Variants in BANK1 observed in about 807,000 individuals in gnomAD.
BANK1 encodes the protein B-cell scaffold protein with ankyrin repeats.
In BANK1, 95 loss-of-function variants were observed where a neutral mutation model predicts 94.5. That is an observed-to-expected ratio of 1.00 (90% CI 0.85 to 1.19). The LOEUF (loss-of-function observed/expected upper bound fraction) is 1.19, where lower values mean the gene tolerates loss of function less well. BANK1 is among the 50% of genes most tolerant of loss of function. The probability of loss-of-function intolerance (pLI) is 0.00; values close to 1 mark genes in which losing one functional copy is unlikely to be tolerated. For missense variants in BANK1, 987 were observed against 932.2 expected, an observed-to-expected ratio of 1.06 and a Z score of -0.77; for synonymous variants, 334 against 308.4, an observed-to-expected ratio of 1.08 and a Z score of -0.87.
rs57906281 is a variant in BANK1 at position 101,986,859 on chromosome 4, A to G, written c.1207-34655A>G. On this transcript the variant is annotated intron_variant, in intron 7 of 16. Transcript: ENST00000322953. Reference sequence around the variant, plus strand: ...TATATATATGTGTATATATATGTATATATATATGTGTGTATGTGTGTGTGT... The same window carrying G: ...TATATATATGTGTATATATATGTATGTATATATGTGTGTATGTGTGTGTGT... Among the ~76,000 whole-genome samples, 148 of 50,956 alleles carry G rather than the reference A, an allele frequency of 2.9e-3. 2 individuals carry two copies. Among genetic ancestry groups the G allele is most frequent in the African/African-American group, 7.7e-3 (103 of 13,414 alleles). 33.4% of individuals were successfully genotyped at this position (50,956 alleles called of 152,430 possible).
chr4:102,036,484 C>T (rs901187744), intron 10 of BANK1, among the ~76,000 whole-genome samples: 16 of 152,150 alleles, frequency 1.1e-4, no homozygotes, highest in African/African-American at 3.9e-4. Context: ...TGCCTTGGAT[C>T]CTCCTCCCTG....
intron 6 of BANK1, among the ~76,000 whole-genome samples, chr4:101,905,310 G>A (rs1722412496): frequency 6.6e-6 from 1 of 152,192 alleles, no homozygotes; most frequent in African/African-American, 2.4e-5. Context: ...CACAGCTTTT[G>A]TGCAGCATAA....
chr4:101,933,648 A>G (rs1370565445), intron 7 of BANK1, among the ~76,000 whole-genome samples: 1 of 151,594 alleles, frequency 6.6e-6, no homozygotes, highest in Non-Finnish European at 1.5e-5. Context: ...GCACAATGCA[A>G]TATAGATACA....
intron 7 of BANK1, among the ~76,000 whole-genome samples, chr4:102,000,983 T>C (rs567757856): frequency 1.3e-5 from 2 of 152,264 alleles, no homozygotes; most frequent in African/African-American, 4.8e-5. Flanking sequence ...AACTAAGCTC[T>C]AAATGATCTG....
chr4:101,983,197 G>T (rs1374974069), intron 7 of BANK1, among the ~76,000 whole-genome samples: 2 of 151,988 alleles, frequency 1.3e-5, no homozygotes, highest in Non-Finnish European at 2.9e-5. Flanking sequence ...TGGATAAAAT[G>T]AAGTTAATAT....
chr4:102,019,340 T>C (rs1037692483), intron 7 of BANK1, among the ~76,000 whole-genome samples: 4 of 152,208 alleles, frequency 2.6e-5, no homozygotes, highest in African/African-American at 9.6e-5. Flanking sequence ...TGCTTAAAAG[T>C]AGGCGTATAG....
At position 101,792,476 on chromosome 4, in the gene BANK1, T is replaced by G. The variant is rs1258706148; in HGVS notation, c.70+1526T>G. 2.9e-3 allele frequency among the ~76,000 whole-genome samples: 432 copies of G among 149,972 alleles called. 1 individual carries two copies. Among genetic ancestry groups the G allele is most frequent in the East Asian group, 0.011 (55 of 5,156 alleles). On this transcript the variant is annotated intron_variant, in intron 1 of 16. Coordinates refer to ENST00000322953, the MANE Select transcript of BANK1 (RefSeq NM_017935.5). Reference sequence around the variant, plus strand: ...GTGTGTGTGTGTGTGTGTGTTTTTTTTTTTTTAATGAAGAGCTCCCTCTCT... The same window carrying G: ...GTGTGTGTGTGTGTGTGTGTTTTTTGTTTTTTAATGAAGAGCTCCCTCTCT...
chr4:101,950,073 G>A (rs1278578718), intron 7 of BANK1, among the ~76,000 whole-genome samples: 3 of 151,470 alleles, frequency 2.0e-5, no homozygotes, highest in African/African-American at 4.9e-5. Context: ...GCGTGCGCGC[G>A]CATGTGCCTA....
At chr4:101,861,265 A>G (rs1233146724) in intron 3 of BANK1, among the ~76,000 whole-genome samples, 1 of 152,246 alleles carries the variant, frequency 6.6e-6, no homozygotes, top group African/African-American at 2.4e-5. Context: ...AAATGATTCT[A>G]TAACATCAAC....
chr4:102,005,066 G>A (rs1453616633), intron 7 of BANK1, among the ~76,000 whole-genome samples: 1 of 151,924 alleles, frequency 6.6e-6, no homozygotes, highest in Non-Finnish European at 1.5e-5. Context: ...CTGTGGCACG[G>A]CATTTAAAAA....
intron 13 of BANK1, among the ~76,000 whole-genome samples, chr4:102,067,101 C>T (rs893170112): frequency 6.6e-6 from 1 of 151,840 alleles, no homozygotes; most frequent in Non-Finnish European, 1.5e-5. Flanking sequence ...GTTAAAGATT[C>T]ATGTTTTATT....
intron 7 of BANK1, among the ~76,000 whole-genome samples, chr4:101,976,697 A>G (rs1367792880): frequency 6.6e-6 from 1 of 152,128 alleles, no homozygotes; most frequent in Admixed American, 6.6e-5. Flanking sequence ...ATATCATAAA[A>G]TTTATCTGAG....
chr4:101,966,674 CA>C (rs1229270887), intron 7 of BANK1, among the ~76,000 whole-genome samples: 2 of 152,056 alleles, frequency 1.3e-5, no homozygotes, highest in Admixed American at 6.6e-5. Context: ...TTCAAACTAT[CA>C]GCCACCTCAT....
intron 8 of BANK1, among the ~76,000 whole-genome samples, chr4:102,023,573 G>A (rs528506293): frequency 6.6e-6 from 1 of 152,264 alleles, no homozygotes; most frequent in South Asian, 2.1e-4. Context: ...GAGTGAGAGG[G>A]TGAAGCACAG....
intron 6 of BANK1, among the ~76,000 whole-genome samples, chr4:101,914,175 A>G (rs1229872199): frequency 2.6e-5 from 4 of 152,226 alleles, no homozygotes; most frequent in East Asian, 1.9e-4. Flanking sequence ...CTTTCTTTCT[A>G]CTTGCAAGAT....
chr4:101,981,743 T>C (rs1725330548), intron 7 of BANK1: 1 of 152,260 alleles, frequency 6.6e-6, no homozygotes, highest in East Asian at 1.9e-4. Flanking sequence ...TTTTCTAAGC[T>C]ACTATACTAG....
rs571433594 is a variant in BANK1 at position 101,798,466 on chromosome 4, T to C, written c.70+7516T>C. On this transcript the variant is annotated intron_variant, in intron 1 of 16. Coordinates refer to ENST00000322953, the MANE Select transcript of BANK1 (RefSeq NM_017935.5). The stretch of plus-strand genomic sequence containing the variant: ...GTAATACATTTTAATGTGTAGATTT[T>C]CTTATGTGTTTAAGAATTTCTGTCT... 5.3e-5 allele frequency among the ~76,000 whole-genome samples: 8 copies of C among 151,764 alleles called. No individual in the cohort carries two copies. In the South Asian group the frequency reaches 1.3e-3, roughly 24 times the overall value.
Position 102,025,374 on chromosome 4 carries a change from T to G in BANK1, c.1459T>G (p.Leu487Val), listed in dbSNP as rs1383588340. 1 of 1,614,084 alleles carries G rather than the reference T, an allele frequency of 6.2e-7. No homozygotes were observed. Among genetic ancestry groups the G allele is most frequent in the African/African-American group, 1.3e-5 (1 of 75,026 alleles). ...GAGTTCTGAAGACCAGTATGATGACTTGTATGTGTTCATTCCTGGTGCTGA... is the reference window on the plus strand; with the variant it reads ...GAGTTCTGAAGACCAGTATGATGACGTGTATGTGTTCATTCCTGGTGCTGA... The part of the protein sequence containing the change: ...SESSEDQYDD[L>V]YVFIPGADPE... Residue 487 changes from leucine (L) to valine (V), a missense_variant, in exon 9 of 17, where the codon TTG (leucine) becomes GTG (valine). Coordinates refer to ENST00000322953, the MANE Select transcript of BANK1 (RefSeq NM_017935.5).
At chr4:101,974,103 A>G (rs1725046790) in intron 7 of BANK1, among the ~76,000 whole-genome samples, 1 of 152,172 alleles carries the variant, frequency 6.6e-6, no homozygotes, top group Non-Finnish European at 1.5e-5. Context: ...TGTATTATTA[A>G]ATGAATTTAA....
Sources: gnomAD v4.1 joint callset for allele counts (sites outside exome capture counted in the v4.1 genomes callset) on GRCh38, gnomAD v4.1.1 for gene constraint, MANE v1.5 for transcripts, NCBI Gene and HGNC (gene_info 2026-07-23, HGNC 2026-07-21) for gene names.